The following CASR variants were observed in gnomAD, a reference collection of about 807,000 sequenced individuals.
CASR encodes extracellular calcium-sensing receptor.
A neutral mutation model predicts 69.1 loss-of-function variants in CASR; 23 were observed. That is an observed-to-expected ratio of 0.33 (90% CI 0.24 to 0.47). CASR has a LOEUF of 0.47. Ranked by LOEUF, CASR falls within the 20% of genes least tolerant of loss-of-function variation. The pLI is 1.00. For synonymous variants in CASR, 541 were observed against 544.7 expected, an observed-to-expected ratio of 0.99 and a Z score of 0.10; for missense variants, 924 against 1,356.1, an observed-to-expected ratio of 0.68 and a Z score of 5.00.
intron 4 of CASR, among the ~76,000 whole-genome samples, chr3:122,274,483 G>T (rs530573069): frequency 6.6e-6 from 1 of 152,210 alleles, no homozygotes; most frequent in Non-Finnish European, 1.5e-5. Context: ...CTCAGTCCAC[G>T]TGTTTGTCAC....
intron 6 of CASR, 67 bp downstream of exon 6, chr3:122,282,303 C>G (rs1211652148): frequency 1.3e-6 from 2 of 1,500,400 alleles, no homozygotes; most frequent in African/African-American, 2.7e-5. Flanking sequence ...GTCAGTGAAG[C>G]CCATGGAAGG....
chr3:122,234,242 A>G (rs948218066), intron 1 of CASR, among the ~76,000 whole-genome samples: 2 of 152,246 alleles, frequency 1.3e-5, no homozygotes, highest in Non-Finnish European at 2.9e-5. Flanking sequence ...TCTTTGGCAT[A>G]ACTACTCAAA....
chr3:122,226,134 A>C (rs1297002920), intron 1 of CASR, among the ~76,000 whole-genome samples: 3 of 152,208 alleles, frequency 2.0e-5, no homozygotes, highest in African/African-American at 7.2e-5. Flanking sequence ...TCACTGACCA[A>C]GAATGAAGCC....
intron 5 of CASR, among the ~76,000 whole-genome samples, chr3:122,277,194 G>A (rs1035649681): frequency 3.3e-5 from 5 of 151,556 alleles, no homozygotes; most frequent in Non-Finnish European, 5.9e-5. Context: ...AATTACAGGC[G>A]CACCACCACA....
At chr3:122,185,643 A>G (rs1203609429) in intron 1 of CASR, among the ~76,000 whole-genome samples, 3 of 152,200 alleles carry the variant, frequency 2.0e-5, no homozygotes, top group South Asian at 2.1e-4. Flanking sequence ...AGTAGTTCCT[A>G]TTCCTTAAAA....
intron 1 of CASR, among the ~76,000 whole-genome samples, chr3:122,233,791 C>T (rs922909819): frequency 6.6e-6 from 1 of 152,202 alleles, no homozygotes; most frequent in African/African-American, 2.4e-5. Context: ...ACCCATTTGA[C>T]AGTATCTAAG....
chr3:122,260,685 A>G (rs979111177), intron 3 of CASR, among the ~76,000 whole-genome samples: 6 of 54,754 alleles, frequency 1.1e-4, no homozygotes, highest in African/African-American at 2.4e-4. Context: ...AACTTAAAGT[A>G]TAATAAAAAA....
At chr3:122,195,171 C>T (rs2073877337) in intron 1 of CASR, among the ~76,000 whole-genome samples, 1 of 152,124 alleles carries the variant, frequency 6.6e-6, no homozygotes, top group Admixed American at 6.6e-5. Context: ...GCTTGTAATC[C>T]TCCTTTTGTA....
intron 1 of CASR, among the ~76,000 whole-genome samples, chr3:122,223,912 C>T (rs945204554): frequency 1.1e-4 from 16 of 152,120 alleles, no homozygotes; most frequent in African/African-American, 3.6e-4. Flanking sequence ...TGCAATTTCC[C>T]ACATAAACAG....
At chr3:122,260,303 G>A (rs1195486131) in intron 3 of CASR, among the ~76,000 whole-genome samples, 1 of 152,172 alleles carries the variant, frequency 6.6e-6, no homozygotes, top group African/African-American at 2.4e-5. Flanking sequence ...CATGGTATTT[G>A]GCTACTTCTT....
chr3:122,264,411 G>A (rs2074663283), intron 4 of CASR, among the ~76,000 whole-genome samples: 1 of 152,182 alleles, frequency 6.6e-6, no homozygotes, highest in Admixed American at 6.5e-5. Context: ...CTAAGTCATG[G>A]ATCCATCCCT....
intron 1 of CASR, among the ~76,000 whole-genome samples, chr3:122,224,697 A>T (rs2074205561): frequency 2.0e-5 from 3 of 152,218 alleles, no homozygotes; most frequent in Admixed American, 2.0e-4. Context: ...GACTATTCTA[A>T]AATTCACGTA....
chr3:122,259,023 C>T (rs935197520), intron 3 of CASR, among the ~76,000 whole-genome samples: 1 of 151,920 alleles, frequency 6.6e-6, no homozygotes, highest in Admixed American at 6.6e-5. Context: ...AGACAAATTG[C>T]GGTTGGAACA....
intron 4 of CASR, among the ~76,000 whole-genome samples, chr3:122,273,151 C>A (rs1017241430): frequency 3.3e-5 from 5 of 152,248 alleles, no homozygotes; most frequent in African/African-American, 1.2e-4. Flanking sequence ...ATGCTAACTA[C>A]TAGAGCTTTA....
At chr3:122,213,845 C>G (rs1351750927) in intron 1 of CASR, among the ~76,000 whole-genome samples, 1 of 152,234 alleles carries the variant, frequency 6.6e-6, no homozygotes, top group Non-Finnish European at 1.5e-5. Flanking sequence ...ATACTGGCTC[C>G]TGACTATTGC....
chr3:122,247,104 T>C (rs1295953091), intron 1 of CASR: 2 of 152,202 alleles, frequency 1.3e-5, no homozygotes, highest in Admixed American at 6.5e-5. Flanking sequence ...TTACAGACTT[T>C]ATGCTTTCCA....
intron 1 of CASR, among the ~76,000 whole-genome samples, chr3:122,225,219 G>A (rs1163531940): frequency 6.6e-6 from 1 of 150,982 alleles, no homozygotes; most frequent in African/African-American, 2.4e-5. Flanking sequence ...TGATGAGAGA[G>A]ACCTAATTAA....
At chr3:122,185,340 C>G (rs1476656456) in intron 1 of CASR, among the ~76,000 whole-genome samples, 1 of 152,202 alleles carries the variant, frequency 6.6e-6, no homozygotes, top group Non-Finnish European at 1.5e-5. Flanking sequence ...TGCCCACATC[C>G]CTTAATCTCC....
chr3:122,262,443 G>A (rs1189752671), intron 4 of CASR, 31 bp downstream of exon 4: 4 of 1,595,134 alleles, frequency 2.5e-6, no homozygotes, highest in African/African-American at 2.7e-5. Flanking sequence ...GCAATTTGCT[G>A]TATAATAAAG....
Sources: allele counts gnomAD v4.1 joint callset (sites outside exome capture counted in the v4.1 genomes callset), GRCh38; gene constraint gnomAD v4.1.1; transcripts MANE v1.5; gene names NCBI Gene and HGNC (gene_info 2026-07-23, HGNC 2026-07-21).